FYB1: variants seen among roughly 807,000 people sequenced by gnomAD.
The protein encoded by FYB1 is FYN-binding protein 1.
Under a neutral mutation model 94.1 loss-of-function variants are expected in FYB1, and 41 were observed. The observed-to-expected ratio is 0.44, with a 90% CI of 0.34 to 0.57. FYB1 has a LOEUF of 0.57. FYB1 is among the 20% of genes least tolerant of loss of function. The pLI, the probability that FYB1 is intolerant of heterozygous loss-of-function variation, is 0.02. For synonymous variants in FYB1, 367 were observed against 353.2 expected, an observed-to-expected ratio of 1.04 and a Z score of -0.44; for missense variants, 1,050 against 976.8, an observed-to-expected ratio of 1.07 and a Z score of -1.00.
Position 39,119,605 on chromosome 5 carries a change from G to C in FYB1, c.2168C>G (p.Thr723Arg). The stretch of plus-strand genomic sequence containing the variant: ...TAGCTTCTTAAGGTCCTTTTCTTCT[G>C]TCTTAGCTTTTCCAACATTAGTTCC... ...SQGTNVGKAK[T>R]EEKDLKKLKK... The change falls in exon 15 of 19, where the codon ACA becomes AGA. Residue 723 changes from threonine (T) to arginine (R), a missense_variant. Coordinates refer to ENST00000512982, the MANE Select transcript of FYB1 (RefSeq NM_001465.6). 1 of 1,544,074 alleles carries C rather than the reference G, an allele frequency of 6.5e-7. No homozygotes were observed. The highest frequency in any genetic ancestry group is 8.7e-7 in the Non-Finnish European group (1 of 1,144,462).
chr5:39,127,059 C>CAAAAAAAAAAAAAAA (rs200980181), intron 11 of FYB1, among the ~76,000 whole-genome samples: 2 of 77,484 alleles, frequency 2.6e-5, no homozygotes, highest in Non-Finnish European at 5.4e-5. Context: ...ACTCAGGTCT[C>CAAAAAAAAAAAAAAA]AAAAAAAAAA....
intron 1 of FYB1, among the ~76,000 whole-genome samples, chr5:39,246,135 G>T (rs1181068938): frequency 6.6e-6 from 1 of 152,054 alleles, no homozygotes; most frequent in Non-Finnish European, 1.5e-5. Context: ...CCTCTGTTTG[G>T]GGTGGACCAG....
chr5:39,164,829 C>T (rs1744576747), intron 2 of FYB1, among the ~76,000 whole-genome samples: 1 of 152,204 alleles, frequency 6.6e-6, no homozygotes, highest in Non-Finnish European at 1.5e-5. Flanking sequence ...AGGAAGCAAG[C>T]TTTTCCTTGC....
chr5:39,137,583 A>G lies in FYB1; in HGVS notation c.1515+17T>C. 1 of 1,535,024 alleles carries G rather than the reference A, an allele frequency of 6.5e-7. No homozygotes were observed. Among genetic ancestry groups the G allele is most frequent in the Non-Finnish European group, 8.8e-7 (1 of 1,141,906 alleles). On this transcript the variant is annotated intron_variant, in intron 7 of 18. Transcript: ENST00000512982. The stretch of plus-strand genomic sequence containing the variant: ...AAAAGATGTTATTCTTTCACTCATT[A>G]GCAAGCAAGCCCTTACTTTAAATTT...
rs989474308 is a variant in FYB1 at position 39,106,568 on chromosome 5, A to T, written c.*875T>A. ...GAAAAAAAAATCTAGCGGTAATTGA[A>T]ACAAAAACAAAAACTTTAAAAAGTG... On this transcript the variant is annotated 3_prime_UTR_variant, in exon 19 of 19. Transcript: ENST00000512982. 6.6e-6 allele frequency: 1 copy of T among 152,086 alleles called. No homozygotes were observed. Among genetic ancestry groups the T allele is most frequent in the African/African-American group, 2.4e-5 (1 of 41,420 alleles). 9.4% of individuals were successfully genotyped at this position (152,086 alleles called of 1,614,324 possible).
chr5:39,109,271 T>A (rs1738833095), intron 17 of FYB1, among the ~76,000 whole-genome samples: 2 of 151,930 alleles, frequency 1.3e-5, no homozygotes, highest in African/African-American at 4.8e-5. Flanking sequence ...GGAAATCTCA[T>A]CCAAATGCGA....
Position 39,200,595 on chromosome 5 carries a change from G to A in FYB1, c.1135+1231C>T, listed in dbSNP as rs147343182. 2.6e-3 allele frequency among the ~76,000 whole-genome samples: 394 copies of A among 152,324 alleles called. 2 individuals are homozygous for A. The highest frequency in any genetic ancestry group is 9.3e-3 in the African/African-American group (387 of 41,566). On this transcript the variant is annotated intron_variant, in intron 2 of 18. Coordinates refer to ENST00000512982, the MANE Select transcript of FYB1 (RefSeq NM_001465.6). ...GACAGATGAGGAGGAGATGCAATGT[G>A]AAACAAGGATGAACCTTTCTGGAAG...
At chr5:39,193,341 A>C (rs1747534161) in intron 2 of FYB1, among the ~76,000 whole-genome samples, 1 of 152,200 alleles carries the variant, frequency 6.6e-6, no homozygotes, top group African/African-American at 2.4e-5. Context: ...AAAAATGAGG[A>C]TGGGAAATTT....
intron 1 of FYB1, among the ~76,000 whole-genome samples, chr5:39,217,115 G>T (rs1232055327): frequency 6.6e-6 from 1 of 152,250 alleles, no homozygotes; most frequent in Middle Eastern, 3.4e-3. Flanking sequence ...GTGACCAATA[G>T]AGAGCATTCC....
chr5:39,205,327 C>A (rs1748746620), intron 1 of FYB1, among the ~76,000 whole-genome samples: 1 of 152,152 alleles, frequency 6.6e-6, no homozygotes, highest in African/African-American at 2.4e-5. Flanking sequence ...CATCAAAATT[C>A]TTTAGGCTTA....
intron 1 of FYB1, among the ~76,000 whole-genome samples, chr5:39,229,940 G>A (rs921542120): frequency 1.3e-5 from 2 of 152,080 alleles, no homozygotes; most frequent in African/African-American, 4.8e-5. Flanking sequence ...TGAGTGAGGT[G>A]CCTGGGCATC....
chr5:39,219,665 A>G, upstream of FYB1: 1 of 902,288 alleles, frequency 1.1e-6, no homozygotes, highest in South Asian at 5.1e-5. Flanking sequence ...AAGTTCTATT[A>G]TGCCCTCAGG....
At chr5:39,229,016 A>T (rs945967998) in intron 1 of FYB1, among the ~76,000 whole-genome samples, 3 of 152,196 alleles carry the variant, frequency 2.0e-5, no homozygotes, top group Admixed American at 1.3e-4. Context: ...TTTGTCTTAC[A>T]GTGGCAGAAG....
At position 39,202,976 on chromosome 5, in the gene FYB1, T is replaced by C. The variant is rs752288185; in HGVS notation, c.-16A>G. 5 of 1,613,220 alleles carry C rather than the reference T, an allele frequency of 3.1e-6. No individual in the cohort carries two copies. The highest frequency in any genetic ancestry group is 3.4e-6 in the Non-Finnish European group (4 of 1,179,718). ...ATTTCGCCATGAGGGACTTTACATC[T>C]GCCTTTCCATCCTACAAACATAGGG... On this transcript the variant is annotated 5_prime_UTR_variant, in exon 2 of 19. Coordinates refer to ENST00000512982, the MANE Select transcript of FYB1 (RefSeq NM_001465.6).
rs1227685802 is a variant in FYB1, at chr5:39,202,494, C to T, written c.467G>A (p.Gly156Glu). ...ATTTTCTGAGGTTGGAGGAGTAGGC[C>T]CAGATTTCGGGCCTAGTGGCTTTAA... ...HDLKPLGPKS[G>E]PTPPTSENEQ... The change falls in exon 2 of 19, where the codon GGG (glycine) becomes GAG (glutamate). Residue 156 changes from glycine to glutamate, a missense_variant. Gly to Glu is a moderately conservative substitution (Grantham distance 98). Transcript: ENST00000512982. The T allele has an allele frequency of 1.9e-6, 3 of 1,613,812 alleles. No homozygotes were observed. The highest frequency in any genetic ancestry group is 1.3e-5 in the African/African-American group (1 of 74,982).
chr5:39,204,412 A>G (rs1748661504), intron 1 of FYB1, among the ~76,000 whole-genome samples: 1 of 152,224 alleles, frequency 6.6e-6, no homozygotes, highest in Non-Finnish European at 1.5e-5. Flanking sequence ...AATCCTAGCC[A>G]GAATTGTCAT....
rs140415961 is a variant in FYB1, at chr5:39,174,612, T to G, written c.1136-21008A>C. 6.4e-3 allele frequency among the ~76,000 whole-genome samples: 971 copies of G among 152,316 alleles called. 11 individuals carry two copies. Among genetic ancestry groups the G allele is most frequent in the African/African-American group, 0.023 (939 of 41,570 alleles). On this transcript the variant is annotated intron_variant, in intron 2 of 18. Transcript: ENST00000512982. The stretch of plus-strand genomic sequence containing the variant: ...CCAAGGTCCAGATAAGTTTAATAAA[T>G]GATTTACTCAAGGACACAAAGCTTA...
chr5:39,187,478 G>C (rs1228081235), intron 2 of FYB1, among the ~76,000 whole-genome samples: 3 of 152,206 alleles, frequency 2.0e-5, no homozygotes, highest in African/African-American at 7.2e-5. Context: ...TGAAGAACAA[G>C]ATGAACATTG....
intron 1 of FYB1, among the ~76,000 whole-genome samples, chr5:39,249,898 C>T (rs562481226): frequency 2.0e-5 from 3 of 152,290 alleles, no homozygotes; most frequent in Non-Finnish European, 4.4e-5. Flanking sequence ...ATTGTAATCC[C>T]TATAACCCCC....
Sources: gnomAD v4.1 joint callset for allele counts (sites outside exome capture counted in the v4.1 genomes callset) on GRCh38, gnomAD v4.1.1 for gene constraint, MANE v1.5 for transcripts, NCBI Gene and HGNC (gene_info 2026-07-23, HGNC 2026-07-21) for gene names.